MAP3K6: variants seen among roughly 807,000 people sequenced by gnomAD.
The protein encoded by MAP3K6 is mitogen-activated protein kinase kinase kinase 6.
A neutral mutation model predicts 147.1 loss-of-function variants in MAP3K6; 105 were observed. The ratio of observed to expected loss-of-function variants is 0.71; its 90% CI spans 0.61 to 0.84. The LOEUF (loss-of-function observed/expected upper bound fraction) is 0.84. MAP3K6 is among the 40% of genes least tolerant of loss of function. The probability of loss-of-function intolerance (pLI) is 0.00; values close to 1 mark genes in which losing one functional copy is unlikely to be tolerated. For missense variants in MAP3K6, 1,569 were observed against 1,715.0 expected (o/e 0.91, Z 1.50); for synonymous variants, 695 against 732.4 (o/e 0.95, Z 0.82).
At position 27,355,448 on chromosome 1, in the gene MAP3K6, G is replaced by A; in HGVS notation, c.3810C>T (p.Ile1270=). The A allele has an allele frequency of 8.1e-6, 13 of 1,614,166 alleles. No homozygotes were observed. Among genetic ancestry groups the A allele is most frequent in the Non-Finnish European group, 1.1e-5 (13 of 1,180,024 alleles). Residue 1270 remains isoleucine (I), a synonymous_variant, in exon 29 of 29, where the codon ATC becomes ATT. Coordinates refer to ENST00000357582, the MANE Select transcript of MAP3K6 (RefSeq NM_004672.5). ...CTCGCTGTGCCAAGATGGCCCTCCA[G>A]ATGCGGCATACCATCCCTCCCCTGG... The part of the protein sequence containing the change: ...TRIRGGMVCR[I]WRAILAQRAG...
chr1:27,361,514 C>CT lies in MAP3K6; in HGVS notation c.1686+5dup, dbSNP rs772736155. ...GGTGAGTGAGGGGCCTCAGCAGCGACTTCACCTGGGTCTCAGGCTCCAGCA... is the reference window on the plus strand; with the variant it reads ...GGTGAGTGAGGGGCCTCAGCAGCGACTTTCACCTGGGTCTCAGGCTCCAGCA... On this transcript the variant is annotated splice_donor_region_variant and intron_variant, in intron 11 of 28. Transcript: ENST00000357582. The CT allele has an allele frequency of 9.9e-6, 16 of 1,613,998 alleles. No individual in the cohort carries two copies. The African/African-American group carries it at 2.1e-4, about 22-fold the overall frequency.
chr1:27,363,540 C>T lies in MAP3K6; in HGVS notation c.873G>A (p.Ser291=), dbSNP rs762976329. 7 of 1,609,858 alleles carry T rather than the reference C, an allele frequency of 4.3e-6. No individual in the cohort carries two copies. In the Admixed American group the frequency reaches 6.7e-5, roughly 15 times the overall value. ...GCGTCTCCACCAGCTCAATGATGGCCGAGTAGTCCTGCATCAGGGAACGGC... is the reference window on the plus strand; with the variant it reads ...GCGTCTCCACCAGCTCAATGATGGCTGAGTAGTCCTGCATCAGGGAACGGC... ...LLSYRDVQDY[S]AIIELVETLQ... The change falls in exon 6 of 29, where the codon TCG becomes TCA. Residue 291 remains serine, a synonymous_variant. Transcript: ENST00000357582.
In MAP3K6 at chr1:27,355,314, T is replaced by C; in HGVS notation, c.*77A>G. 7.4e-7 allele frequency: 1 copy of C among 1,353,032 alleles called. No individual in the cohort carries two copies. The highest frequency in any genetic ancestry group is 1.1e-6 in the Non-Finnish European group (1 of 941,912). 83.8% of individuals were successfully genotyped at this position (1,353,032 alleles called of 1,614,324 possible). A position where few individuals can be genotyped will look rare whatever the true frequency, so the allele number is the denominator to read the frequency against. On this transcript the variant is annotated 3_prime_UTR_variant, in exon 29 of 29. Transcript: ENST00000357582. Reference sequence around the variant, plus strand: ...CAGTCGCCCCAGGTCCTGGGGCTGGTGTGTCAGAAGCTGCCTTTGTCCTCT... The same window carrying C: ...CAGTCGCCCCAGGTCCTGGGGCTGGCGTGTCAGAAGCTGCCTTTGTCCTCT...
rs1480017898 is a variant in MAP3K6 at position 27,356,478 on chromosome 1, T to C, written c.3547A>G (p.Lys1183Glu). The change falls in exon 26 of 29, where the codon AAG (lysine) becomes GAG (glutamate). Residue 1183 changes from lysine to glutamate, a missense_variant. Physicochemically the swap from Lys to Glu is moderately conservative, Grantham distance 56. Transcript: ENST00000357582. ...ACCAGGGCCTGGTACTCCCGTTCCTTCCCCGCCAGGATTTCGCGCAGCCTG... is the reference window on the plus strand; with the variant it reads ...ACCAGGGCCTGGTACTCCCGTTCCTCCCCCGCCAGGATTTCGCGCAGCCTG... Reference protein sequence around the residue: ...TDRLREILAGKEREYQALVQR... With the variant: ...TDRLREILAGEEREYQALVQR... The C allele has an allele frequency of 1.2e-6, 2 of 1,613,918 alleles. No homozygotes were observed. The highest frequency in any genetic ancestry group is 4.5e-5 in the East Asian group (2 of 44,888).
At position 27,356,819 on chromosome 1, in the gene MAP3K6, G is replaced by A. The variant is rs1003405038; in HGVS notation, c.3365-70C>T. 4 of 1,506,112 alleles carry A rather than the reference G, an allele frequency of 2.7e-6. No homozygotes were observed. In the Admixed American group the frequency reaches 6.5e-5, roughly 24 times the overall value. The allele number at this position is 1,506,112 out of a possible 1,614,324, so 93.3% of individuals were successfully genotyped here. A position where few individuals can be genotyped will look rare whatever the true frequency, so the allele number is the denominator to read the frequency against. ...TTGGGAACCCCAGACCCCAAAGTGC[G>A]GGGGTAGGGTGCCCGGCTCTGGGCA... On this transcript the variant is annotated intron_variant, in intron 24 of 28. Transcript: ENST00000357582.
rs72882735 is a variant in MAP3K6 at position 27,359,685 on chromosome 1, T to C, written c.2320-163A>G. On this transcript the variant is annotated intron_variant, in intron 17 of 28. Transcript: ENST00000357582. This position sits in a 1 kb window ranked among gnomAD's most constrained non-coding sequence, Gnocchi z 4.4. ...TGCCCCTCTGGGAGCTGACAATTGG[T>C]TTGGCTTCAGAGCTGAACCTTTCCC... The C allele has an allele frequency of 5.9e-3, 5,181 of 870,762 alleles. 199 individuals are homozygous for C. In the African/African-American group the frequency reaches 0.089, roughly 15 times the overall value. The allele number at this position is 870,762 out of a possible 1,614,324, so 53.9% of individuals were successfully genotyped here. A position where few individuals can be genotyped will look rare whatever the true frequency, so the allele number is the denominator to read the frequency against.
chr1:27,361,645 G>A lies in MAP3K6; in HGVS notation c.1579-18C>T. The A allele has an allele frequency of 1.2e-6, 2 of 1,614,122 alleles. No individual in the cohort carries two copies. Among genetic ancestry groups the A allele is most frequent in the Non-Finnish European group, 1.7e-6 (2 of 1,179,982 alleles). On this transcript the variant is annotated intron_variant, in intron 10 of 28. Transcript: ENST00000357582. ...ACCAGCACCTGCAGGCAGTTGGGGAGTGGGGTCAGTCAGAAGGGGCTTACC... is the reference window on the plus strand; with the variant it reads ...ACCAGCACCTGCAGGCAGTTGGGGAATGGGGTCAGTCAGAAGGGGCTTACC...
Position 27,361,871 on chromosome 1 carries a change from C to A in MAP3K6, c.1416-4G>T. 2 of 1,535,334 alleles carry A rather than the reference C, an allele frequency of 1.3e-6. No homozygotes were observed. The highest frequency in any genetic ancestry group is 1.8e-6 in the Non-Finnish European group (2 of 1,138,396). On this transcript the variant is annotated splice_region_variant and splice_polypyrimidine_tract_variant and intron_variant, in intron 9 of 28. Coordinates refer to ENST00000357582, the MANE Select transcript of MAP3K6 (RefSeq NM_004672.5). ...CTCCATCACGGACACCAGGTACCTG[C>A]ATGCAAAGCCACATCCTCAGTTCAG...
chr1:27,355,735 T>C lies in MAP3K6; in HGVS notation c.3722A>G (p.His1241Arg), dbSNP rs754225050. 3 of 1,613,782 alleles carry C rather than the reference T, an allele frequency of 1.9e-6. No individual in the cohort carries two copies. The highest frequency in any genetic ancestry group is 2.5e-6 in the Non-Finnish European group (3 of 1,179,976). The change falls in exon 28 of 29, where the codon CAT becomes CGT. Residue 1241 changes from histidine (H) to arginine (R), a missense_variant. Physicochemically the swap from His to Arg is conservative, Grantham distance 29. Coordinates refer to ENST00000357582, the MANE Select transcript of MAP3K6 (RefSeq NM_004672.5). ...GAGCAGAGTGTGGAGGGTGAAGCTATGGTTCAACAGCTGGATGTGGTCAAA... is the reference window on the plus strand; with the variant it reads ...GAGCAGAGTGTGGAGGGTGAAGCTACGGTTCAACAGCTGGATGTGGTCAAA... ...DSGTIQMLLN[H>R]SFTLHTLLTY...
At chr1:27,356,982 A>T in intron 24 of MAP3K6, 27 bp downstream of exon 24, 1 of 1,603,450 alleles carries the variant, frequency 6.2e-7, no homozygotes, top group Non-Finnish European at 8.5e-7. Flanking sequence ...CCTCGCTGGC[A>T]GGAGGCCCGT....
chr1:27,360,235 A>G lies in MAP3K6; in HGVS notation c.2182+6T>C. 1 of 1,613,872 alleles carries G rather than the reference A, an allele frequency of 6.2e-7. No homozygotes were observed. Among genetic ancestry groups the G allele is most frequent in the Non-Finnish European group, 8.5e-7 (1 of 1,179,884 alleles). On this transcript the variant is annotated splice_donor_region_variant and intron_variant, in intron 16 of 28. Coordinates refer to ENST00000357582, the MANE Select transcript of MAP3K6 (RefSeq NM_004672.5). This position sits in a 1 kb window ranked among gnomAD's most constrained non-coding sequence, Gnocchi z 4.5. ...GTTTCATTCCCATCCCACACAGGGC[A>G]GGTACCTCCAGGCACTTCCTCCATG... is the stretch of plus-strand genomic sequence containing the variant.
chr1:27,362,553 C>G (rs1446755110), intron 8 of MAP3K6, 88 bp downstream of exon 8: 1 of 1,045,702 alleles, frequency 9.6e-7, no homozygotes, highest in African/African-American at 1.6e-5. Flanking sequence ...CATCCTAGCT[C>G]TTGCCCAGTG....
At chr1:27,356,771 T>C in intron 24 of MAP3K6, 22 bp from the exon 25 acceptor site, 1 of 1,535,182 alleles carries the variant, frequency 6.5e-7, no homozygotes, top group South Asian at 1.3e-5. Flanking sequence ...TGCGGTGAAC[T>C]CAGGCAAGGC....
chr1:27,364,363 T>C lies in MAP3K6; in HGVS notation c.536A>G (p.Tyr179Cys), dbSNP rs777743352. The C allele has an allele frequency of 3.7e-6, 6 of 1,613,704 alleles. No homozygotes were observed. Among genetic ancestry groups the C allele is most frequent in the Admixed American group, 3.3e-5 (2 of 59,990 alleles). The change falls in exon 4 of 29, where the codon TAT (tyrosine) becomes TGT (cysteine). Residue 179 changes from tyrosine (Y) to cysteine (C), a missense_variant. By Grantham distance (194) the Tyr-to-Cys change is radical (BLOSUM62 -2). Transcript: ENST00000357582. The surrounding 1 kb of genome is among the most constrained non-coding windows in gnomAD (Gnocchi z 4.4). ...DCVGSYTLIP[Y>C]VVTATGRVLC... ...CACCCGACCAGTGGCCGTCACCACA[T>C]AGGGGATCAGTGTGTAGCTGCCAAC...
intron 22 of MAP3K6, 21 bp downstream of exon 22, chr1:27,357,690 G>A (rs1331303034): frequency 6.2e-7 from 1 of 1,607,724 alleles, no homozygotes; most frequent in Non-Finnish European, 8.5e-7. Flanking sequence ...CCACCAGGGG[G>A]CGCTAGAGTG....
At chr1:27,362,829 G>T in intron 7 of MAP3K6, 22 bp downstream of exon 7, 1 of 1,612,802 alleles carries the variant, frequency 6.2e-7, no homozygotes, top group Non-Finnish European at 8.5e-7. Context: ...TTAGCCCACC[G>T]GCCACTCACT....
chr1:27,363,469 C>T lies in MAP3K6; in HGVS notation c.944G>A (p.Cys315Tyr), dbSNP rs746126053. ...GTTGAGGGCAAAAGTGTAGTGGAAG[C>T]AGACATTATGCTGCTCGGCCACATC... is the stretch of plus-strand genomic sequence containing the variant. ...TCDVAEQHNV[C>Y]FHYTFALNRR... Residue 315 changes from cysteine to tyrosine, a missense_variant, in exon 6 of 29, where the codon TGC (cysteine) becomes TAC (tyrosine). Coordinates refer to ENST00000357582, the MANE Select transcript of MAP3K6 (RefSeq NM_004672.5). 1 of 1,613,646 alleles carries T rather than the reference C, an allele frequency of 6.2e-7. No homozygotes were observed. Among genetic ancestry groups the T allele is most frequent in the Non-Finnish European group, 8.5e-7 (1 of 1,179,736 alleles).
In MAP3K6 at chr1:27,364,826, T is replaced by C. The variant is rs2015918541; in HGVS notation, c.427A>G (p.Asn143Asp). Residue 143 changes from asparagine to aspartate, a missense_variant, in exon 2 of 29, where the codon AAC becomes GAC. Coordinates refer to ENST00000357582, the MANE Select transcript of MAP3K6 (RefSeq NM_004672.5). The surrounding 1 kb of genome is among the most constrained non-coding windows in gnomAD (Gnocchi z 4.4). ...GCCTGGGAGCAGAGGAGCACATTGT[T>C]GGTCATGCTGAAGCTCTCACGCACA... ...LGVRESFSMT[N>D]NVLLCSQADL... The C allele has an allele frequency of 6.2e-7, 1 of 1,613,232 alleles. No individual in the cohort carries two copies. Among genetic ancestry groups the C allele is most frequent in the Admixed American group, 1.7e-5 (1 of 59,978 alleles).
chr1:27,356,144 T>A, intron 26 of MAP3K6, 45 bp from the exon 27 acceptor site: 1 of 1,563,044 alleles, frequency 6.4e-7, no homozygotes, highest in Non-Finnish European at 8.8e-7. Context: ...TGCCTCCTGC[T>A]AGAAGCTGCC....
Sources: gnomAD v4.1 joint callset for allele counts on GRCh38, gnomAD v4.1.1 for gene constraint, Gnocchi (gnomAD v3.1) non-coding constraint, MANE v1.5 for transcripts, NCBI Gene and HGNC (gene_info 2026-07-23, HGNC 2026-07-21) for gene names.